The following NBEA variants were observed in gnomAD, a reference collection of about 807,000 sequenced individuals.
The protein encoded by NBEA is neurobeachin, also known as lysosomal-trafficking regulator 2.
In NBEA, 44 loss-of-function variants were observed where a neutral mutation model predicts 343.4. That is an observed-to-expected ratio of 0.13 (90% CI 0.10 to 0.16). NBEA has a LOEUF of 0.16. Among genes scored for constraint, NBEA ranks in the 10% least tolerant of loss-of-function variants. The pLI is 1.00. For missense variants in NBEA, 2,555 were observed against 3,631.3 expected, an observed-to-expected ratio of 0.70 and a Z score of 7.62; for synonymous variants, 1,175 against 1,238.7, an observed-to-expected ratio of 0.95 and a Z score of 1.08.
chr13:34,975,226 C>T (rs1224657979), intron 1 of NBEA, among the ~76,000 whole-genome samples: 1 of 152,084 alleles, frequency 6.6e-6, no homozygotes, highest in Non-Finnish European at 1.5e-5. Flanking sequence ...ATTATAAGGC[C>T]TTAGTCACCA....
chr13:35,070,247 T>A, intron 9 of NBEA, 142 bp downstream of exon 9: 6 of 780,312 alleles, frequency 7.7e-6, no homozygotes, highest in Non-Finnish European at 1.2e-5. Flanking sequence ...AGTGAAACTT[T>A]AAAGAATATC....
intron 41 of NBEA, among the ~76,000 whole-genome samples, chr13:35,484,109 T>C (rs1208941985): frequency 6.6e-6 from 1 of 152,038 alleles, no homozygotes; most frequent in African/African-American, 2.4e-5. Context: ...TCCAACAGCA[T>C]GTATTCAGTC....
intron 1 of NBEA, among the ~76,000 whole-genome samples, chr13:35,008,116 T>A (rs2061373943): frequency 6.6e-6 from 1 of 152,124 alleles, no homozygotes; most frequent in Non-Finnish European, 1.5e-5. Flanking sequence ...CAACTAAGAA[T>A]AGGGATGATT....
chr13:34,997,253 T>C (rs1284999259), intron 1 of NBEA, among the ~76,000 whole-genome samples: 2 of 152,224 alleles, frequency 1.3e-5, no homozygotes, highest in Admixed American at 6.5e-5. Flanking sequence ...GAATATGATA[T>C]GTGATACTTT....
chr13:35,046,111 T>C (rs1053303928), intron 4 of NBEA, among the ~76,000 whole-genome samples: 3 of 152,174 alleles, frequency 2.0e-5, no homozygotes, highest in African/African-American at 7.2e-5. Context: ...TACTGTTTTA[T>C]TCTGTTCTCT....
chr13:35,320,809 C>T (rs1160575536), intron 36 of NBEA, among the ~76,000 whole-genome samples: 3 of 152,050 alleles, frequency 2.0e-5, no homozygotes, highest in Admixed American at 6.6e-5. Context: ...AATTCTTTTT[C>T]TCTAATCTTG....
chr13:35,263,636 A>G (rs1229883207), intron 34 of NBEA, among the ~76,000 whole-genome samples: 1 of 152,192 alleles, frequency 6.6e-6, no homozygotes, highest in Non-Finnish European at 1.5e-5. Context: ...AACTTCAGAA[A>G]AATCACAAAT....
At chr13:35,270,779 G>A (rs559529393) in intron 34 of NBEA, among the ~76,000 whole-genome samples, 14 of 152,180 alleles carry the variant, frequency 9.2e-5, no homozygotes, top group Non-Finnish European at 1.3e-4. Context: ...AGGGGGAGGG[G>A]CATCTGCCAC....
At chr13:35,452,809 T>C (rs2046373741) in intron 40 of NBEA, among the ~76,000 whole-genome samples, 1 of 152,196 alleles carries the variant, frequency 6.6e-6, no homozygotes, top group Admixed American at 6.5e-5. Flanking sequence ...GGGGTATAGA[T>C]ATCTTAGTGT....
intron 36 of NBEA, among the ~76,000 whole-genome samples, chr13:35,332,663 T>C (rs562369389): frequency 1.2e-3 from 177 of 152,066 alleles, no homozygotes; most frequent in Non-Finnish European, 7.8e-4. Flanking sequence ...AAGTGAAAAA[T>C]GTATTAGAAG....
chr13:35,429,800 CGTGTGTGTGT>C (rs60362511), intron 38 of NBEA, among the ~76,000 whole-genome samples: 8 of 140,278 alleles, frequency 5.7e-5, no homozygotes, highest in African/African-American at 2.2e-4. Flanking sequence ...GAGTCCCCAA[CGTGTGTGTGT>C]GTGTGTGTGT....
chr13:35,042,370 C>A (rs1173406594), intron 2 of NBEA, among the ~76,000 whole-genome samples: 1 of 151,590 alleles, frequency 6.6e-6, no homozygotes, highest in Non-Finnish European at 1.5e-5. Context: ...TCTATAAATT[C>A]TAGAGGTACT....
intron 30 of NBEA, among the ~76,000 whole-genome samples, chr13:35,192,474 G>A (rs1400214895): frequency 6.6e-6 from 1 of 151,850 alleles, no homozygotes; most frequent in Admixed American, 6.6e-5. Flanking sequence ...TTGAATAAAA[G>A]TCATTGAAAT....
intron 45 of NBEA, among the ~76,000 whole-genome samples, chr13:35,572,715 TG>T (rs1271111335): frequency 2.2e-3 from 9 of 4,084 alleles, no homozygotes; most frequent in Admixed American, 0.019. Flanking sequence ...AAGTTGGGTT[TG>T]TTGTTGTTGT....
intron 1 of NBEA, among the ~76,000 whole-genome samples, chr13:34,972,845 A>G (rs991112224): frequency 3.3e-5 from 5 of 152,070 alleles, no homozygotes; most frequent in African/African-American, 1.2e-4. Flanking sequence ...CCTTTCAGCC[A>G]TCTCAGCCTC....
intron 31 of NBEA, among the ~76,000 whole-genome samples, chr13:35,204,521 A>G (rs2073245969): frequency 6.6e-6 from 1 of 152,078 alleles, no homozygotes; most frequent in Admixed American, 6.6e-5. Context: ...TCGTGATTCA[A>G]TTACCTGCCT....
chr13:35,373,395 A>G (rs910106514), intron 38 of NBEA, among the ~76,000 whole-genome samples: 1 of 152,208 alleles, frequency 6.6e-6, no homozygotes, highest in Non-Finnish European at 1.5e-5. Flanking sequence ...AGTAAGTTAC[A>G]GAAAATGTAA....
rs768866082 is a variant in NBEA, at chr13:35,510,429, CT to C, written c.6585+37894del. Among the ~76,000 whole-genome samples the C allele has an allele frequency of 1.9e-4, 29 of 152,272 alleles. 1 individual carries two copies. In the Middle Eastern group the frequency reaches 0.01, roughly 54 times the overall value. ...TATATTTTGACTTAATTTTTCAGCT[CT>C]GTTGTTCTGACCTATCTGGGTAAAA... On this transcript the variant is annotated intron_variant, in intron 41 of 58. Coordinates refer to ENST00000379939, the MANE Select transcript of NBEA (RefSeq NM_001385012.1).
intron 17 of NBEA, among the ~76,000 whole-genome samples, chr13:35,128,166 C>T (rs1377401542): frequency 6.6e-6 from 1 of 151,310 alleles, no homozygotes; most frequent in Admixed American, 6.6e-5. Flanking sequence ...AGCGCACCAG[C>T]ATGGCACATG....
Sources: gnomAD v4.1 joint callset for allele counts (sites outside exome capture counted in the v4.1 genomes callset) on GRCh38, gnomAD v4.1.1 for gene constraint, MANE v1.5 for transcripts, NCBI Gene and HGNC (gene_info 2026-07-23, HGNC 2026-07-21) for gene names.